Variants in SUN1 observed in about 807,000 individuals in gnomAD.
SUN1 encodes Sad1 and UNC84 domain containing 1, also known as SUN domain-containing protein 1.
SUN1 carries 61 observed loss-of-function variants against 103.2 expected under a neutral mutation model. The ratio of observed to expected loss-of-function variants is 0.59; its 90% CI spans 0.48 to 0.73. The LOEUF (loss-of-function observed/expected upper bound fraction) is 0.73, where lower values mean the gene tolerates loss of function less well. SUN1 is among the 30% of genes least tolerant of loss of function. The pLI is 0.00. For synonymous variants in SUN1, 490 were observed against 425.7 expected (o/e 1.15, Z -1.86); for missense variants, 1,052 against 1,034.6 (o/e 1.02, Z -0.23).
intron 5 of SUN1, chr7:849,476 T>C (rs1440372445): frequency 7.6e-7 from 1 of 1,319,668 alleles, no homozygotes; most frequent in Non-Finnish European, 1.0e-6. Flanking sequence ...GCACTTGAGC[T>C]TGGCGTCGGT....
intron 9 of SUN1, 151 bp from the exon 10 acceptor site, chr7:853,258 C>A: frequency 4.4e-6 from 4 of 912,880 alleles, no homozygotes; most frequent in Middle Eastern, 3.1e-4. Flanking sequence ...AAGGATCAAA[C>A]CTGATACTCC....
chr7:837,593 G>A (rs1351978942), intron 1 of SUN1, among the ~76,000 whole-genome samples: 1 of 152,186 alleles, frequency 6.6e-6, no homozygotes, highest in Non-Finnish European at 1.5e-5. Flanking sequence ...TCCTTGTTCT[G>A]TTACTTAATT....
At chr7:831,012 T>A, upstream of SUN1, 1 of 985,574 alleles carries the variant, frequency 1.0e-6, no homozygotes, top group Non-Finnish European at 1.2e-6. Context: ...CAAGGCCCTG[T>A]CCTGTGCCGG....
At chr7:842,911 G>A (rs969498382) in intron 3 of SUN1, 6 of 549,204 alleles carry the variant, frequency 1.1e-5, no homozygotes, top group Non-Finnish European at 2.0e-5. Flanking sequence ...TGAGCGGGCT[G>A]TGAGAAGATA....
intron 1 of SUN1, among the ~76,000 whole-genome samples, chr7:826,875 A>G (rs562633912): frequency 3.9e-5 from 6 of 152,026 alleles, no homozygotes; most frequent in Admixed American, 1.3e-4. Flanking sequence ...ATAATTATCA[A>G]CTCGGTATTG....
chr7:823,130 C>T (rs536235275), intron 1 of SUN1, among the ~76,000 whole-genome samples: 38 of 152,352 alleles, frequency 2.5e-4, no homozygotes, highest in Admixed American at 2.0e-4. Context: ...GGGTGCGTGG[C>T]GTGGAGAGCG....
upstream of SUN1, among the ~76,000 whole-genome samples, chr7:828,238 GTATGTT>G (rs1174661715): frequency 9.7e-6 from 1 of 103,318 alleles, no homozygotes; most frequent in Non-Finnish European, 2.0e-5. Flanking sequence ...GGATATATAT[GTATGTT>G]TTTGTTTTTG....
At chr7:866,486 A>AC (rs917208269) in intron 16 of SUN1, among the ~76,000 whole-genome samples, 19 of 139,614 alleles carry the variant, frequency 1.4e-4, no homozygotes, top group Non-Finnish European at 1.6e-4. Flanking sequence ...ATGGGCCTTC[A>AC]CCCCCCCATC....
upstream of SUN1, chr7:816,468 C>A (rs922430538): frequency 1.2e-4 from 25 of 211,702 alleles, no homozygotes; most frequent in Non-Finnish European, 2.0e-4. Flanking sequence ...CTTCCCCCGC[C>A]TGGAGTCCTC....
At position 851,376 on chromosome 7, in the gene SUN1, C is replaced by G; in HGVS notation, c.659-8C>G. The stretch of plus-strand genomic sequence containing the variant: ...CTGTCTGAGGCCACACACGTCTTCC[C>G]TGCACAGGTTACTTCTTGCTGCAGA... On this transcript the variant is annotated splice_region_variant and splice_polypyrimidine_tract_variant and intron_variant, in intron 5 of 18. Coordinates refer to ENST00000401592, the MANE Select transcript of SUN1 (RefSeq NM_001130965.3). 1 of 1,588,792 alleles carries G rather than the reference C, an allele frequency of 6.3e-7. No homozygotes were observed. The highest frequency in any genetic ancestry group is 8.6e-7 in the Non-Finnish European group (1 of 1,167,314).
intron 5 of SUN1, chr7:843,764 A>G: frequency 7.0e-7 from 1 of 1,428,028 alleles, no homozygotes; most frequent in South Asian, 1.6e-5. Flanking sequence ...GACGTGAGCA[A>G]AAGAAAATTT....
At chr7:869,098 G>A (rs1839564175) in intron 16 of SUN1, 1 of 505,380 alleles carries the variant, frequency 2.0e-6, no homozygotes, top group Non-Finnish European at 3.5e-6. Context: ...GAAGTATGTT[G>A]TATGTCTCAC....
At chr7:841,630 A>G (rs1810047097) in intron 2 of SUN1, among the ~76,000 whole-genome samples, 2 of 152,194 alleles carry the variant, frequency 1.3e-5, no homozygotes, top group Admixed American at 1.3e-4. Context: ...GATTAAATTT[A>G]TAAATCACAG....
At chr7:870,336 TC>T (rs1267823286) in intron 17 of SUN1, among the ~76,000 whole-genome samples, 1 of 152,022 alleles carries the variant, frequency 6.6e-6, no homozygotes, top group Non-Finnish European at 1.5e-5. Flanking sequence ...ATGCCTGTAA[TC>T]CTAGCACTTT....
At chr7:823,605 G>T (rs1201420291) in intron 1 of SUN1, among the ~76,000 whole-genome samples, 6 of 152,202 alleles carry the variant, frequency 3.9e-5, no homozygotes, top group Non-Finnish European at 4.4e-5. Context: ...AGCAGCATTT[G>T]CACCAGTGCC....
At chr7:828,338 G>A (rs1489762192), upstream of SUN1, among the ~76,000 whole-genome samples, 1 of 151,732 alleles carries the variant, frequency 6.6e-6, no homozygotes, top group Non-Finnish European at 1.5e-5. Context: ...GTGGTGCTGT[G>A]TTGGCTCACT....
In SUN1 at chr7:821,565, C is replaced by G. The variant is rs74329624; in HGVS notation, c.-74+4892C>G. ...TATGATGATCGAATGGTCTCCTAGT[C>G]TGCTTTATAGTGTCTCCAGATTCTG... On this transcript the variant is annotated intron_variant, in intron 1 of 17. Transcript: ENST00000389574. Among the ~76,000 whole-genome samples the G allele has an allele frequency of 5.4e-3, 827 of 152,266 alleles. 66 individuals carry two copies. The East Asian group carries it at 0.14, about 26-fold the overall frequency.
upstream of SUN1, chr7:831,965 G>C (rs1267877168): frequency 2.4e-6 from 2 of 844,856 alleles, no homozygotes; most frequent in African/African-American, 1.8e-5. Context: ...CCTGTTTTTT[G>C]GTGAGGAAAA....
rs768858283 is a variant in SUN1, at chr7:852,833, G to A, written c.934G>A (p.Gly312Ser). The change falls in exon 9 of 19, where the codon GGC (glycine) becomes AGC (serine). Residue 312 changes from glycine (G) to serine (S), a missense_variant. Gly to Ser is a moderately conservative substitution (Grantham distance 56). This residue lies in a region of SUN1 where 846 missense variants were observed against 774.5 expected (regional missense o/e 1.09). Transcript: ENST00000401592. ...LLAGLSLRGQ[G>S]NFFSFLPVLN... ...AGCAGGTCTCTCCTTACGGGGCCAG[G>A]GCAATTTCTTTTCGTTCTTGCCCGT... 1.2e-6 allele frequency: 2 copies of A among 1,613,588 alleles called. No homozygotes were observed. Among genetic ancestry groups the A allele is most frequent in the Admixed American group, 3.3e-5 (2 of 59,960 alleles).
Sources: allele counts gnomAD v4.1 joint callset (sites outside exome capture counted in the v4.1 genomes callset), GRCh38; gene constraint gnomAD v4.1.1; regional missense constraint gnomAD v4.1.1; transcripts MANE v1.5; gene names NCBI Gene and HGNC (gene_info 2026-07-23, HGNC 2026-07-21).